The following PDS5A variants were observed in gnomAD, a reference collection of about 807,000 sequenced individuals.
PDS5A encodes PDS5 cohesin associated factor A.
In PDS5A, 42 loss-of-function variants were observed where a neutral mutation model predicts 167.1. The observed-to-expected ratio is 0.25, with a 90% CI of 0.20 to 0.33. The LOEUF (loss-of-function observed/expected upper bound fraction) is 0.33, where lower values mean the gene tolerates loss of function less well. PDS5A is among the 10% of genes least tolerant of loss of function. The pLI, the probability that PDS5A is intolerant of heterozygous loss-of-function variation, is 1.00. For synonymous variants in PDS5A, 553 were observed against 554.6 expected (o/e 1.00, Z 0.04); for missense variants, 1,033 against 1,605.9 (o/e 0.64, Z 6.10).
intron 32 of PDS5A, among the ~76,000 whole-genome samples, chr4:39,828,568 G>A (rs1715525828): frequency 6.6e-6 from 1 of 152,214 alleles, no homozygotes; most frequent in Non-Finnish European, 1.5e-5. Context: ...TAAAAGAGCT[G>A]AAGATGAAAT....
intron 16 of PDS5A, among the ~76,000 whole-genome samples, chr4:39,893,550 G>C (rs1421671324): frequency 6.6e-6 from 1 of 152,178 alleles, no homozygotes; most frequent in Non-Finnish European, 1.5e-5. Context: ...CTCAAGGATG[G>C]AATGCAAGCT....
rs1715001279 is a variant in PDS5A, at chr4:39,823,077, G to C, written c.*2408C>G. 1 of 152,544 alleles carries C rather than the reference G, an allele frequency of 6.6e-6. No homozygotes were observed. Among genetic ancestry groups the C allele is most frequent in the African/African-American group, 2.4e-5 (1 of 41,420 alleles). The allele number at this position is 152,544 out of a possible 1,614,324, so 9.4% of individuals were successfully genotyped here. A position where few individuals can be genotyped will look rare whatever the true frequency, so the allele number is the denominator to read the frequency against. ...AGGAGATACAAAATTCTGGCTTGTT[G>C]TTTTAGACAAATACAAGAAGCTTCA... On this transcript the variant is annotated 3_prime_UTR_variant, in exon 33 of 33. Coordinates refer to ENST00000303538, the MANE Select transcript of PDS5A (RefSeq NM_001100399.2).
intron 26 of PDS5A, among the ~76,000 whole-genome samples, chr4:39,852,428 C>T (rs1718196557): frequency 6.6e-6 from 1 of 152,020 alleles, no homozygotes; most frequent in South Asian, 2.1e-4. Flanking sequence ...TTGCCTTATC[C>T]AAGGGAGCTA....
intron 22 of PDS5A, chr4:39,868,606 G>C (rs886708159): frequency 7.1e-5 from 32 of 451,904 alleles, no homozygotes; most frequent in Middle Eastern, 6.9e-4. Context: ...TGGGATTATA[G>C]GCGTGAGCCA....
At position 39,926,786 on chromosome 4, in the gene PDS5A, A is replaced by G; in HGVS notation, c.418T>C (p.Tyr140His). 7.1e-7 allele frequency: 1 copy of G among 1,406,374 alleles called. No homozygotes were observed. Among genetic ancestry groups the G allele is most frequent in the Non-Finnish European group, 9.4e-7 (1 of 1,069,110 alleles). 87.1% of individuals were successfully genotyped at this position (1,406,374 alleles called of 1,614,324 possible). A position where few individuals can be genotyped will look rare whatever the true frequency, so the allele number is the denominator to read the frequency against. Residue 140 changes from tyrosine (Y) to histidine (H), a missense_variant, in exon 4 of 33, where the codon TAT (tyrosine) becomes CAT (histidine). This residue lies in a region of PDS5A where 388 missense variants were observed against 615.1 expected (regional missense o/e 0.63). Coordinates refer to ENST00000303538, the MANE Select transcript of PDS5A (RefSeq NM_001100399.2). ...TTTTTTTTTTTTACCTCTAATAAAT[A>G]AAAGTATCTATTAAACTGTGGACTC... ...TKSPQFNRYF[Y>H]LLENLAWVKS...
chr4:39,829,712 G>A (rs1019994559), intron 32 of PDS5A, among the ~76,000 whole-genome samples: 4 of 151,158 alleles, frequency 2.6e-5, no homozygotes, highest in Admixed American at 2.6e-4. Context: ...GGCACTTTTG[G>A]AGGCCGAGGC....
intron 32 of PDS5A, among the ~76,000 whole-genome samples, chr4:39,826,309 G>A (rs931926318): frequency 6.6e-6 from 1 of 151,718 alleles, no homozygotes; most frequent in Non-Finnish European, 1.5e-5. Context: ...GGGAGAAGGA[G>A]GAACTCATCT....
chr4:39,886,901 G>A (rs1721526260), intron 17 of PDS5A, among the ~76,000 whole-genome samples: 1 of 151,372 alleles, frequency 6.6e-6, no homozygotes, highest in South Asian at 2.1e-4. Flanking sequence ...AAATAAGATT[G>A]CTTTCTTGAT....
intron 14 of PDS5A, among the ~76,000 whole-genome samples, chr4:39,900,125 T>C (rs934366334): frequency 1.3e-5 from 2 of 152,214 alleles, no homozygotes; most frequent in Non-Finnish European, 2.9e-5. Context: ...TGATGTTTAA[T>C]GTAATTTTAT....
intron 2 of PDS5A, among the ~76,000 whole-genome samples, chr4:39,940,834 T>G (rs757895641): frequency 6.6e-6 from 1 of 151,986 alleles, no homozygotes; most frequent in Non-Finnish European, 1.5e-5. Context: ...TGGGGTCTTG[T>G]TGTTTGTTTT....
intron 2 of PDS5A, among the ~76,000 whole-genome samples, chr4:39,944,231 T>C (rs1311097972): frequency 6.7e-6 from 1 of 150,314 alleles, no homozygotes; most frequent in Non-Finnish European, 1.5e-5. Flanking sequence ...AGGTTTCTAA[T>C]GTAGGTAAGA....
intron 23 of PDS5A, among the ~76,000 whole-genome samples, chr4:39,866,493 T>C (rs1449256649): frequency 6.6e-6 from 1 of 152,220 alleles, no homozygotes; most frequent in Admixed American, 6.5e-5. Context: ...GGGATGCTCT[T>C]TGAAGGCAGG....
intron 2 of PDS5A, among the ~76,000 whole-genome samples, chr4:39,953,612 T>C (rs1728620627): frequency 6.6e-6 from 1 of 152,004 alleles, no homozygotes; most frequent in Admixed American, 6.6e-5. Context: ...ATGCCTGTAG[T>C]GTCAACTACT....
At chr4:39,930,246 A>AATTTTTT in intron 2 of PDS5A, among the ~76,000 whole-genome samples, 7 of 93,164 alleles carry the variant, frequency 7.5e-5, no homozygotes, top group South Asian at 4.4e-4. Context: ...AAAAAAAAAA[A>AATTTTTT]GTTTTTTTGT....
intron 2 of PDS5A, among the ~76,000 whole-genome samples, chr4:39,954,021 T>C (rs572500615): frequency 5.5e-4 from 83 of 152,026 alleles, no homozygotes; most frequent in African/African-American, 1.9e-3. Flanking sequence ...AGGCCCCAAC[T>C]GAGGTACTAA....
At chr4:39,971,284 T>C (rs897880515) in intron 2 of PDS5A, among the ~76,000 whole-genome samples, 1 of 151,964 alleles carries the variant, frequency 6.6e-6, no homozygotes, top group African/African-American at 2.4e-5. Context: ...GCCTTCCAAG[T>C]AGCTGGGACT....
intron 16 of PDS5A, among the ~76,000 whole-genome samples, chr4:39,894,747 CTTAT>C (rs968261095): frequency 2.3e-4 from 35 of 152,262 alleles, no homozygotes; most frequent in African/African-American, 7.7e-4. Flanking sequence ...TTACATTTCT[CTTAT>C]TTGTCTCTAT....
At chr4:39,904,271 GGTT>G (rs1723118231) in intron 11 of PDS5A, 80 bp from the exon 12 acceptor site, 3 of 921,640 alleles carry the variant, frequency 3.3e-6, no homozygotes, top group Non-Finnish European at 4.9e-6. Context: ...GGCTTCATTA[GGTT>G]GTACAGTCTT....
In PDS5A at chr4:39,844,749, C is replaced by T. The variant is rs751236430; in HGVS notation, c.3455G>A (p.Gly1152Glu). 5 of 1,613,720 alleles carry T rather than the reference C, an allele frequency of 3.1e-6. No homozygotes were observed. The East Asian group carries it at 1.1e-4, about 36-fold the overall frequency. Reference protein sequence around the residue: ...GAVNKPLSATGRKPYVRSTGT... With the variant: ...GAVNKPLSATERKPYVRSTGT... ...AGTGCTTCTAACATAGGGTTTCCTT[C>T]CCGTTGCTGATAAAGGCTTATTTAC... Residue 1152 changes from glycine (G) to glutamate (E), a missense_variant, in exon 30 of 33, where the codon GGA becomes GAA. Gly to Glu is a moderately conservative substitution (Grantham distance 98, BLOSUM62 -2). Coordinates refer to ENST00000303538, the MANE Select transcript of PDS5A (RefSeq NM_001100399.2).
Sources: gnomAD v4.1 joint callset for allele counts (sites outside exome capture counted in the v4.1 genomes callset) on GRCh38, gnomAD v4.1.1 for gene constraint, gnomAD v4.1.1 regional missense constraint, MANE v1.5 for transcripts, NCBI Gene and HGNC (gene_info 2026-07-23, HGNC 2026-07-21) for gene names.